Variants in IL3RA observed in about 807,000 individuals in gnomAD.
IL3RA encodes the protein interleukin 3 receptor subunit alpha.
A neutral mutation model predicts 52.3 loss-of-function variants in IL3RA; 73 were observed. The observed-to-expected ratio is 1.40, with a 90% confidence interval of 1.16 to 1.70. The LOEUF is 1.70. Among genes scored for constraint, IL3RA ranks in the 40% most tolerant of loss-of-function variants. IL3RA has a pLI of 0.00. For synonymous variants in IL3RA, 260 were observed against 194.0 expected (o/e 1.34, Z -2.83); for missense variants, 664 against 504.4 (o/e 1.32, Z -3.03).
rs1340385036 is a variant in IL3RA, at chrX:1,346,991, G to A, written c.184-1440G>A. ...ATAAAACAGTCTAGAATCCCAGAGCGATTTTACCATACCATGGCAAACTGA... is the reference window on the plus strand; with the variant it reads ...ATAAAACAGTCTAGAATCCCAGAGCAATTTTACCATACCATGGCAAACTGA... On this transcript the variant is annotated intron_variant, in intron 3 of 11. Coordinates refer to ENST00000331035, the MANE Select transcript of IL3RA (RefSeq NM_002183.4). 4.0e-5 allele frequency among the ~76,000 whole-genome samples: 6 copies of A among 150,794 alleles called. 1 individual carries two copies. The highest frequency in any genetic ancestry group is 7.4e-5 in the African/African-American group (3 of 40,492).
chrX:1,353,420 G>A (rs1184259048), intron 6 of IL3RA, among the ~76,000 whole-genome samples: 1 of 144,982 alleles, frequency 6.9e-6, no homozygotes, highest in Non-Finnish European at 1.5e-5. Flanking sequence ...TCCATCATGG[G>A]TCATGGGAAC....
In IL3RA at chrX:1,348,734, CTT is replaced by C. The variant is rs375182867; in HGVS notation, c.298+191_298+192del. Among the ~76,000 whole-genome samples the C allele has an allele frequency of 6.9e-3, 720 of 104,608 alleles. 32 individuals are homozygous for C. The highest frequency in any genetic ancestry group is 0.02 in the African/African-American group (529 of 26,356). 68.6% of individuals were successfully genotyped at this position (104,608 alleles called of 152,430 possible). A position where few individuals can be genotyped will look rare whatever the true frequency, so the allele number is the denominator to read the frequency against. On this transcript the variant is annotated intron_variant, in intron 4 of 11. Coordinates refer to ENST00000331035, the MANE Select transcript of IL3RA (RefSeq NM_002183.4). ...TCTGTTTCTTTCTTCCTTTCTTTTT[CTT>C]TCTTTCTTTCCTTCTTTCCTCTCTT...
intron 9 of IL3RA, 49 bp from the exon 10 acceptor site, chrX:1,378,610 C>A: frequency 2.0e-6 from 3 of 1,494,082 alleles, no homozygotes; most frequent in East Asian, 4.6e-5. Context: ...AGTCCCTGGT[C>A]CCCCCAGGAC....
intron 8 of IL3RA, among the ~76,000 whole-genome samples, chrX:1,361,687 A>G (rs1453952635): frequency 1.6e-4 from 22 of 140,546 alleles, no homozygotes; most frequent in Non-Finnish European, 3.0e-4. Context: ...CGGGAGGCAG[A>G]GGTTGCAGTG....
At chrX:1,354,590 AAG>A (rs1481520947) in intron 6 of IL3RA, among the ~76,000 whole-genome samples, 2 of 103,226 alleles carry the variant, frequency 1.9e-5, no homozygotes, top group East Asian at 3.2e-4. Flanking sequence ...AAAACGGAGA[AAG>A]AGGAGGGGGA....
rs1161586918 is a variant in IL3RA, at chrX:1,365,134, A to G, written c.760-4A>G. ...CCTCTTCTTTATTTTCTTTCAAACC[A>G]CAGGTCAGAGACAGAACCTCCTTCC... is the stretch of plus-strand genomic sequence containing the variant. On this transcript the variant is annotated splice_region_variant and splice_polypyrimidine_tract_variant and intron_variant, in intron 8 of 11. Transcript: ENST00000331035. 1.7e-5 allele frequency: 27 copies of G among 1,602,856 alleles called. No homozygotes were observed. The African/African-American group carries it at 2.4e-4, about 14-fold the overall frequency.
At chrX:1,368,714 G>A (rs2088386080) in intron 9 of IL3RA, among the ~76,000 whole-genome samples, 1 of 151,552 alleles carries the variant, frequency 6.6e-6, no homozygotes, top group Non-Finnish European at 1.5e-5. Flanking sequence ...TGGGACACAG[G>A]GAGAAGACGG....
At chrX:1,358,965 AAAAAATATTAATAATTCTTATTAAT>A (rs1471053058) in intron 8 of IL3RA, 78 bp downstream of exon 8, 4 of 968,970 alleles carry the variant, frequency 4.1e-6, no homozygotes, top group Non-Finnish European at 5.7e-6. Flanking sequence ...ATAAAATGAT[AAAAAATATTAATAATTCTTATTAAT>A]AAAATAATGA....
At chrX:1,381,128 G>C in intron 11 of IL3RA, 24 bp downstream of exon 11, 1 of 1,612,194 alleles carries the variant, frequency 6.2e-7, no homozygotes, top group East Asian at 2.2e-5. Context: ...TCTGCCTTGG[G>C]ACGGGTCTGG....
chrX:1,341,303 A>G (rs1265497531), intron 1 of IL3RA, among the ~76,000 whole-genome samples: 3 of 2,608 alleles, frequency 1.2e-3, no homozygotes, highest in Non-Finnish European at 0.071. Context: ...TCCATCAGGA[A>G]AAAAAAAAAA....
intron 8 of IL3RA, among the ~76,000 whole-genome samples, chrX:1,361,114 T>C (rs2087287334): frequency 3.1e-5 from 4 of 130,180 alleles, no homozygotes; most frequent in African/African-American, 6.7e-5. Context: ...CCTTCCCCTC[T>C]CTGTCTCTCT....
chrX:1,365,760 A>C (rs1396350078), intron 9 of IL3RA, among the ~76,000 whole-genome samples: 1 of 18,688 alleles, frequency 5.4e-5, no homozygotes. Context: ...GCGCGGGGTG[A>C]GCCGGGTGCG....
In IL3RA at chrX:1,361,744, C is replaced by G. The variant is rs1351240581; in HGVS notation, c.759+2857C>G. Among the ~76,000 whole-genome samples, 7 of 121,120 alleles carry G rather than the reference C, an allele frequency of 5.8e-5. No homozygotes were observed. The South Asian group carries it at 1.7e-3, about 30-fold the overall frequency. 79.5% of individuals were successfully genotyped at this position (121,120 alleles called of 152,430 possible). Reference sequence around the variant, plus strand: ...CTCCAGCCTGGGTGACAGAGTGAGACTCCGTCTCGAGAAAAAAAAAAAAAA... The same window carrying G: ...CTCCAGCCTGGGTGACAGAGTGAGAGTCCGTCTCGAGAAAAAAAAAAAAAA... On this transcript the variant is annotated intron_variant, in intron 8 of 11. Transcript: ENST00000331035.
chrX:1,345,142 A>T (rs1240155391), intron 2 of IL3RA, among the ~76,000 whole-genome samples, 174 bp from the exon 3 acceptor site: 60 of 150,888 alleles, frequency 4.0e-4, no homozygotes, highest in Non-Finnish European at 4.0e-4. Flanking sequence ...TAGTCCAGCC[A>T]GGGCGACAAG....
Position 1,363,302 on chromosome X carries a change from CTTTTT to C in IL3RA, c.760-1824_760-1820del, listed in dbSNP as rs769178382. On this transcript the variant is annotated intron_variant, in intron 8 of 11. Coordinates refer to ENST00000331035, the MANE Select transcript of IL3RA (RefSeq NM_002183.4). Reference sequence around the variant, plus strand: ...CATCAAATATGAATGGTCTTTTCTTCTTTTTTTTTTTTTTTTGAGACGGAGTCTCG... The same window carrying C: ...CATCAAATATGAATGGTCTTTTCTTCTTTTTTTTTTTGAGACGGAGTCTCG... 2.3e-5 allele frequency among the ~76,000 whole-genome samples: 3 copies of C among 130,632 alleles called. No individual in the cohort carries two copies. In the Admixed American group the frequency reaches 2.3e-4, roughly 10 times the overall value. 85.7% of individuals were successfully genotyped at this position (130,632 alleles called of 152,430 possible).
chrX:1,365,319 CGCGGGGTG>C, intron 9 of IL3RA, 67 bp downstream of exon 9: 1 of 671,054 alleles, frequency 1.5e-6, no homozygotes, highest in African/African-American at 4.1e-5. Context: ...GAGCGGGGTG[CGCGGGGTG>C]AGCGGGGTGC....
chrX:1,362,923 ACAC>A (rs1352534238), intron 8 of IL3RA, among the ~76,000 whole-genome samples: 2 of 151,408 alleles, frequency 1.3e-5, no homozygotes, highest in East Asian at 3.9e-4. Context: ...CTACAGGTGC[ACAC>A]CACCACGCCT....
intron 2 of IL3RA, among the ~76,000 whole-genome samples, chrX:1,344,749 G>A (rs1393413173): frequency 2.0e-5 from 3 of 151,348 alleles, no homozygotes; most frequent in African/African-American, 7.3e-5. Flanking sequence ...CTCCAGCCTG[G>A]GTGACAAGAG....
rs752014516 is a variant in IL3RA at position 1,338,814 on chromosome X, T to G, written c.-39+1888T>G. Among the ~76,000 whole-genome samples the G allele has an allele frequency of 2.7e-4, 41 of 151,958 alleles. No homozygotes were observed. In the South Asian group the frequency reaches 6.2e-3, roughly 23 times the overall value. ...TCTAGAAGATAGAAGTGGTGGTTTTTTTTGAGACAGAGTCTCGCTCTGTCG... is the reference window on the plus strand; with the variant it reads ...TCTAGAAGATAGAAGTGGTGGTTTTGTTTGAGACAGAGTCTCGCTCTGTCG... On this transcript the variant is annotated intron_variant, in intron 1 of 11. Transcript: ENST00000331035.
Sources: gnomAD v4.1 joint callset for allele counts (sites outside exome capture counted in the v4.1 genomes callset) on GRCh38, gnomAD v4.1.1 for gene constraint, MANE v1.5 for transcripts, NCBI Gene and HGNC (gene_info 2026-07-23, HGNC 2026-07-21) for gene names.